The following NCOR1 variants were observed in gnomAD, a reference collection of about 807,000 sequenced individuals.
The protein encoded by NCOR1 is nuclear receptor corepressor 1.
In NCOR1, 63 loss-of-function variants were observed where a neutral mutation model predicts 288.1. That is an observed-to-expected ratio of 0.22 (90% CI 0.18 to 0.27). The LOEUF is 0.27. Among genes scored for constraint, NCOR1 ranks in the 10% least tolerant of loss-of-function variants. The pLI is 1.00. For synonymous variants in NCOR1, 1,007 were observed against 1,065.9 expected, an observed-to-expected ratio of 0.94 and a Z score of 1.08; for missense variants, 2,397 against 3,019.2, an observed-to-expected ratio of 0.79 and a Z score of 4.83.
chr17:16,038,683 C>T (rs2056940307), intron 44 of NCOR1, among the ~76,000 whole-genome samples: 1 of 152,078 alleles, frequency 6.6e-6, no homozygotes, highest in African/African-American at 2.4e-5. Context: ...AGTGATCCAC[C>T]CAACTTACCC....
chr17:16,109,066 C>T (rs1456280152), intron 18 of NCOR1, among the ~76,000 whole-genome samples, 154 bp from the exon 19 acceptor site: 1 of 151,982 alleles, frequency 6.6e-6, no homozygotes, highest in African/African-American at 2.4e-5. Context: ...AGATAAATAC[C>T]TCTCCATAAT....
At chr17:16,099,638 T>G (rs1377407505) in intron 20 of NCOR1, among the ~76,000 whole-genome samples, 1 of 152,160 alleles carries the variant, frequency 6.6e-6, no homozygotes, top group South Asian at 2.1e-4. Context: ...AAACCAACAG[T>G]GCAAAACACA....
At chr17:16,075,293 T>C (rs1567855540) in intron 27 of NCOR1, among the ~76,000 whole-genome samples, 1 of 152,278 alleles carries the variant, frequency 6.6e-6, no homozygotes, top group East Asian at 1.9e-4. Context: ...CAGTCGACAA[T>C]CTTAGCTACC....
chr17:16,167,859 CAAAAAAA>C (rs71299856), intron 4 of NCOR1, among the ~76,000 whole-genome samples: 1 of 62,642 alleles, frequency 1.6e-5, no homozygotes, highest in Non-Finnish European at 2.9e-5. Flanking sequence ...GACTCCATCT[CAAAAAAA>C]AAAAAAAAAA....
At position 16,186,611 on chromosome 17, in the gene NCOR1, T is replaced by C. The variant is rs1355173805; in HGVS notation, c.185A>G (p.Gln62Arg). 6.2e-7 allele frequency: 1 copy of C among 1,614,130 alleles called. No homozygotes were observed. Among genetic ancestry groups the C allele is most frequent in the South Asian group, 1.1e-5 (1 of 91,078 alleles). Residue 62 changes from glutamine to arginine, a missense_variant, in exon 3 of 46, where the codon CAG (glutamine) becomes CGG (arginine). Gln to Arg is a conservative substitution (Grantham distance 43). This residue lies in a region of NCOR1 where 4 missense variants were observed against 21.6 expected (regional missense o/e 0.19). Transcript: ENST00000268712. ...GGAAGGTCGCCTTCGAAGCTGTTGC[T>C]GCTGCTGTTGCTGCAAAAGCTGTGA... ...QASQLLQQQQ[Q>R]QQLRRRPSLL...
At chr17:16,084,827 C>T (rs530363182) in intron 23 of NCOR1, among the ~76,000 whole-genome samples, 1 of 152,180 alleles carries the variant, frequency 6.6e-6, no homozygotes, top group African/African-American at 2.4e-5. Context: ...TCACATGCCT[C>T]AATATAAAAG....
At chr17:16,068,382 T>C in intron 31 of NCOR1, 2 of 395,292 alleles carry the variant, frequency 5.1e-6, no homozygotes, top group Non-Finnish European at 9.3e-6. Context: ...TTATGTAACA[T>C]TAAAAATAAA....
At position 16,122,903 on chromosome 17, in the gene NCOR1, G is replaced by T. The variant is rs948982425; in HGVS notation, c.1635-1634C>A. Among the ~76,000 whole-genome samples, 141 of 152,276 alleles carry T rather than the reference G, an allele frequency of 9.3e-4. 1 individual carries two copies. The highest frequency in any genetic ancestry group is 2.4e-4 in the Non-Finnish European group (16 of 68,018). ...TCTCCCACCTTGGCTGGGATTACAG[G>T]AATGAGCCACTGTGCTGGGTTCCTC... is the stretch of plus-strand genomic sequence containing the variant. On this transcript the variant is annotated intron_variant, in intron 15 of 45. Coordinates refer to ENST00000268712, the MANE Select transcript of NCOR1 (RefSeq NM_006311.4).
chr17:16,036,298 T>C (rs548324379), intron 44 of NCOR1, among the ~76,000 whole-genome samples: 1 of 152,208 alleles, frequency 6.6e-6, no homozygotes, highest in Non-Finnish European at 1.5e-5. Flanking sequence ...GCTTAAAATA[T>C]TCAGCAAGCC....
intron 21 of NCOR1, among the ~76,000 whole-genome samples, chr17:16,095,379 G>A (rs1183721344): frequency 2.0e-5 from 3 of 150,664 alleles, no homozygotes; most frequent in Admixed American, 1.3e-4. Context: ...CAGCCACCCC[G>A]CCCGGGAGGG....
chr17:16,195,420 G>C (rs1401807794), intron 1 of NCOR1, among the ~76,000 whole-genome samples: 2 of 151,786 alleles, frequency 1.3e-5, no homozygotes, highest in African/African-American at 4.8e-5. Context: ...GCAGTGAGCC[G>C]AGATCACGCC....
chr17:16,113,488 A>T (rs1020064188), intron 18 of NCOR1, among the ~76,000 whole-genome samples: 1 of 152,226 alleles, frequency 6.6e-6, no homozygotes, highest in African/African-American at 2.4e-5. Flanking sequence ...TCAGATACTT[A>T]TGCATACTAT....
At chr17:16,134,703 T>C (rs1283142524) in intron 14 of NCOR1, among the ~76,000 whole-genome samples, 1 of 152,192 alleles carries the variant, frequency 6.6e-6, no homozygotes, top group Non-Finnish European at 1.5e-5. Flanking sequence ...TCTATCATCA[T>C]GGGCAACTGG....
intron 20 of NCOR1, 125 bp from the exon 21 acceptor site, chr17:16,098,621 A>C: frequency 1.4e-6 from 1 of 705,762 alleles, no homozygotes; most frequent in East Asian, 3.0e-5. Context: ...GGACACACAT[A>C]TATTAACCCA....
intron 11 of NCOR1, among the ~76,000 whole-genome samples, chr17:16,139,773 A>G (rs2076904429): frequency 6.6e-6 from 1 of 152,242 alleles, no homozygotes; most frequent in Non-Finnish European, 1.5e-5. Context: ...AAACTTTGTT[A>G]CACGTGCAGA....
At chr17:16,091,488 G>C (rs768390922) in intron 22 of NCOR1, 52 of 862,370 alleles carry the variant, frequency 6.0e-5, no homozygotes, top group Non-Finnish European at 7.5e-5. Context: ...TCATCTACCA[G>C]AGAATGTGAA....
Position 16,070,316 on chromosome 17 carries a change from A to G in NCOR1, c.4362T>C (p.Ser1454=). The change falls in exon 31 of 46, where the codon TCT becomes TCC. Residue 1454 remains serine, a synonymous_variant. Coordinates refer to ENST00000268712, the MANE Select transcript of NCOR1 (RefSeq NM_006311.4). ...VRSRHTSVVS[S]GPSVLRSTLH... is the part of the protein sequence containing the mutation. ...GTGTGGACCTAAGAACGGAGGGGCC[A>G]GAGCTTACCACTGACGTGTGCCGGG... 6.2e-7 allele frequency: 1 copy of G among 1,614,150 alleles called. No individual in the cohort carries two copies. The highest frequency in any genetic ancestry group is 1.1e-5 in the South Asian group (1 of 91,074).
Position 16,126,472 on chromosome 17 carries a change from G to C in NCOR1, c.1510-266C>G, listed in dbSNP as rs572458030. Among the ~76,000 whole-genome samples the C allele has an allele frequency of 1.2e-3, 187 of 152,016 alleles. 3 individuals carry two copies. Among genetic ancestry groups the C allele is most frequent in the Non-Finnish European group, 2.1e-4 (14 of 67,958 alleles). On this transcript the variant is annotated intron_variant, in intron 14 of 45. Coordinates refer to ENST00000268712, the MANE Select transcript of NCOR1 (RefSeq NM_006311.4). ...TGTTAAGATTCTACTCGGAAATCTGGGGTTGGTTCCCTTTTTTGGCAACCT... is the reference window on the plus strand; with the variant it reads ...TGTTAAGATTCTACTCGGAAATCTGCGGTTGGTTCCCTTTTTTGGCAACCT...
At chr17:16,132,617 G>A (rs2075811550) in intron 14 of NCOR1, among the ~76,000 whole-genome samples, 1 of 152,112 alleles carries the variant, frequency 6.6e-6, no homozygotes, top group Admixed American at 6.6e-5. Context: ...TAAAATTCCT[G>A]CCAAGAATAA....
Sources: allele counts gnomAD v4.1 joint callset (sites outside exome capture counted in the v4.1 genomes callset), GRCh38; gene constraint gnomAD v4.1.1; regional missense constraint gnomAD v4.1.1; transcripts MANE v1.5; gene names NCBI Gene and HGNC (gene_info 2026-07-23, HGNC 2026-07-21).